GRIN2D: variants seen among roughly 807,000 people sequenced by gnomAD.
GRIN2D encodes glutamate ionotropic receptor NMDA type subunit 2D.
A neutral mutation model predicts 103.2 loss-of-function variants in GRIN2D; 37 were observed. The ratio of observed to expected loss-of-function variants is 0.36; its 90% CI spans 0.28 to 0.47. The LOEUF is 0.47. GRIN2D is among the 20% of genes least tolerant of loss of function. GRIN2D has a pLI of 1.00. For missense variants in GRIN2D, 1,557 were observed against 1,910.6 expected (o/e 0.81, Z 3.45); for synonymous variants, 845 against 885.6 (o/e 0.95, Z 0.81).
At chr19:48,431,881 G>A (rs887196404) in intron 11 of GRIN2D, among the ~76,000 whole-genome samples, 10 of 151,210 alleles carry the variant, frequency 6.6e-5, no homozygotes, top group African/African-American at 1.5e-4. Flanking sequence ...CACCGCGCCC[G>A]GCCTGCTTTC....
At chr19:48,430,411 C>T (rs1468738097) in intron 11 of GRIN2D, among the ~76,000 whole-genome samples, 2 of 152,180 alleles carry the variant, frequency 1.3e-5, no homozygotes, top group Non-Finnish European at 2.9e-5. Context: ...GTTGGCCAGG[C>T]TGGTCTCAAA....
chr19:48,398,248 C>T (rs1600967160), intron 2 of GRIN2D, 119 bp from the exon 3 acceptor site: 1 of 265,546 alleles, frequency 3.8e-6, no homozygotes, highest in Non-Finnish European at 6.1e-6. Flanking sequence ...CTCCCCATCT[C>T]GGCGCCTGTC....
rs1479469223 is a variant in GRIN2D, at chr19:48,405,180, G to T, written c.912G>T (p.Leu304=). The change falls in exon 4 of 14, where the codon CTG becomes CTT. Residue 304 remains leucine, a synonymous_variant. Transcript: ENST00000263269. This position sits in a 1 kb window ranked among gnomAD's most constrained non-coding sequence, Gnocchi z 5.1. ...LPGGAPLPAG[L]FAVRSAGWRD... is the part of the protein sequence containing the mutation. ...GAGGCGCCCCCCTGCCTGCCGGGCT[G>T]TTTGCAGTGCGCTCGGCTGGCTGGC... is the stretch of plus-strand genomic sequence containing the variant. 1 of 1,598,712 alleles carries T rather than the reference G, an allele frequency of 6.3e-7. No homozygotes were observed. Among genetic ancestry groups the T allele is most frequent in the African/African-American group, 1.3e-5 (1 of 74,820 alleles).
rs1270782646 is a variant in GRIN2D, at chr19:48,421,915, T to C, written c.2222T>C (p.Val741Ala). The C allele has an allele frequency of 5.0e-6, 8 of 1,613,798 alleles. No individual in the cohort carries two copies. Among genetic ancestry groups the C allele is most frequent in the Non-Finnish European group, 3.4e-6 (4 of 1,179,936 alleles). Residue 741 changes from valine to alanine, a missense_variant, in exon 11 of 14, where the codon GTA becomes GCA. By Grantham distance (64) the Val-to-Ala change is moderately conservative. Transcript: ENST00000263269. This position sits in a 1 kb window ranked among gnomAD's most constrained non-coding sequence, Gnocchi z 4.8. Reference protein sequence around the residue: ...SYMVRYNQPRVEEALTQLKAG... With the variant: ...SYMVRYNQPRAEEALTQLKAG... ...ATGGTGCGCTACAACCAGCCCCGCG[T>C]AGAGGAAGCGCTCACTCAGCTCAAG...
Position 48,394,322 on chromosome 19 carries a change from G to A in GRIN2D, c.-305-336G>A, listed in dbSNP as rs193034967. ...TTTGAGAGTGGGGGAGTCAAGGGGG[G>A]GTCTAGAGGTGGCCAAGCGAGGAAG... is the stretch of plus-strand genomic sequence containing the variant. On this transcript the variant is annotated intron_variant, in intron 1 of 13. Coordinates refer to ENST00000263269, the MANE Select transcript of GRIN2D (RefSeq NM_000836.4). This position sits in a 1 kb window ranked among gnomAD's most constrained non-coding sequence, Gnocchi z 5.1. Among the ~76,000 whole-genome samples, 43 of 151,616 alleles carry A rather than the reference G, an allele frequency of 2.8e-4. No individual in the cohort carries two copies. The highest frequency in any genetic ancestry group is 1.0e-3 in the African/African-American group (43 of 41,314).
Position 48,443,243 on chromosome 19 carries a change from T to A in GRIN2D, c.3317T>A (p.Leu1106His). 1.5e-6 allele frequency: 2 copies of A among 1,363,030 alleles called. No individual in the cohort carries two copies. Among genetic ancestry groups the A allele is most frequent in the Non-Finnish European group, 1.9e-6 (2 of 1,042,920 alleles). The allele number at this position is 1,363,030 out of a possible 1,614,324, so 84.4% of individuals were successfully genotyped here. The part of the protein sequence containing the change: ...CRAAPPPCPY[L>H]DLEPSPSDSE... ...GCCGCGCCGCCCCCGTGCCCTTACC[T>A]CGATCTCGAGCCGTCGCCGTCGGAC... Residue 1106 changes from leucine (L) to histidine (H), a missense_variant, in exon 14 of 14, where the codon CTC becomes CAC. Physicochemically the swap from Leu to His is moderately conservative, Grantham distance 99 (BLOSUM62 -3). Coordinates refer to ENST00000263269, the MANE Select transcript of GRIN2D (RefSeq NM_000836.4). The surrounding 1 kb of genome is among the most constrained non-coding windows in gnomAD (Gnocchi z 8.9).
intron 3 of GRIN2D, among the ~76,000 whole-genome samples, chr19:48,401,889 T>C (rs1233088901): frequency 6.6e-6 from 1 of 151,794 alleles, no homozygotes; most frequent in Non-Finnish European, 1.5e-5. Context: ...TCACTTGAGG[T>C]GAGGAGTTTG....
chr19:48,426,227 T>TTTTTTTTTTTTCTTTC lies in GRIN2D; in HGVS notation c.2252+4293_2252+4294insCTTTCTTTTTTTTTTT, dbSNP rs1555893894. Among the ~76,000 whole-genome samples the TTTTTTTTTTTTCTTTC allele has an allele frequency of 1.2e-3, 181 of 145,162 alleles. 2 individuals carry two copies. Among genetic ancestry groups the TTTTTTTTTTTTCTTTC allele is most frequent in the African/African-American group, 4.7e-3 (174 of 37,376 alleles). On this transcript the variant is annotated intron_variant, in intron 11 of 13. Coordinates refer to ENST00000263269, the MANE Select transcript of GRIN2D (RefSeq NM_000836.4). Reference sequence around the variant, plus strand: ...CTTTTTCTTTCTTTCTTTCTTTCTTTTTTTTTTTTTTTTTCTGAAACAGAG... The same window carrying TTTTTTTTTTTTCTTTC: ...CTTTTTCTTTCTTTCTTTCTTTCTTTTTTTTTTTTTTCTTTCTTTTTTTTTTTTTTCTGAAACAGAG...
In GRIN2D at chr19:48,414,311, G is replaced by A. The variant is rs1407883891; in HGVS notation, c.1201-62G>A. On this transcript the variant is annotated intron_variant, in intron 5 of 13. Coordinates refer to ENST00000263269, the MANE Select transcript of GRIN2D (RefSeq NM_000836.4). The surrounding 1 kb of genome is among the most constrained non-coding windows in gnomAD (Gnocchi z 4.6). ...CCTAGGTCTGAGGGAAGAGGATCAT[G>A]GAGGCCAGGATACACCGGGAAGTCT... 1 of 1,362,318 alleles carries A rather than the reference G, an allele frequency of 7.3e-7. No individual in the cohort carries two copies. The highest frequency in any genetic ancestry group is 1.4e-5 in the African/African-American group (1 of 69,852). The allele number at this position is 1,362,318 out of a possible 1,614,324, so 84.4% of individuals were successfully genotyped here.
At chr19:48,397,952 A>C (rs537179516) in intron 2 of GRIN2D, among the ~76,000 whole-genome samples, 1 of 146,298 alleles carries the variant, frequency 6.8e-6, no homozygotes, top group Non-Finnish European at 1.5e-5. Context: ...GTCTCGCCCT[A>C]TCTCTGCGTC....
Position 48,405,340 on chromosome 19 carries a change from G to C in GRIN2D, c.1072G>C (p.Glu358Gln), listed in dbSNP as rs372406980. The C allele has an allele frequency of 1.3e-6, 2 of 1,586,470 alleles. No homozygotes were observed. Among genetic ancestry groups the C allele is most frequent in the Non-Finnish European group, 1.7e-6 (2 of 1,167,128 alleles). The change falls in exon 4 of 14, where the codon GAG (glutamate) becomes CAG (glutamine). Residue 358 changes from glutamate (E) to glutamine (Q), a missense_variant. Transcript: ENST00000263269. The surrounding 1 kb of genome is among the most constrained non-coding windows in gnomAD (Gnocchi z 5.1). The stretch of plus-strand genomic sequence containing the variant: ...CGCCCAGAACCGCACCCACCGCGGC[G>C]AGAGTCTGCATAGGTGAGTGGGGCT... The part of the protein sequence containing the change: ...CRAQNRTHRG[E>Q]SLHRYFMNIT...
chr19:48,436,350 G>A (rs185265759), intron 11 of GRIN2D, among the ~76,000 whole-genome samples: 4 of 152,260 alleles, frequency 2.6e-5, no homozygotes, highest in Admixed American at 2.6e-4. Context: ...AGAACTGGCT[G>A]AGCCAGATTA....
Position 48,405,108 on chromosome 19 carries a change from T to C in GRIN2D, c.840T>C (p.Ala280=), listed in dbSNP as rs771698080. 25 of 1,591,636 alleles carry C rather than the reference T, an allele frequency of 1.6e-5. No homozygotes were observed. The highest frequency in any genetic ancestry group is 2.1e-5 in the Non-Finnish European group (24 of 1,168,892). The change falls in exon 4 of 14, where the codon GCT becomes GCC. Residue 280 remains alanine (A), a synonymous_variant. Transcript: ENST00000263269. The surrounding 1 kb of genome is among the most constrained non-coding windows in gnomAD (Gnocchi z 5.1). ...GGTTCATGGTGGGGCCCCAGCTGGC[T>C]GGAGGCGGGGGCTCTGGGGCCCCTG... The part of the protein sequence containing the change: ...YVWFMVGPQL[A]GGGGSGAPGE...
chr19:48,409,789 T>C (rs1970833604), intron 4 of GRIN2D, among the ~76,000 whole-genome samples: 1 of 151,832 alleles, frequency 6.6e-6, no homozygotes, highest in Non-Finnish European at 1.5e-5. Context: ...TTCTTTTTTT[T>C]CTTTTTTTTG....
intron 11 of GRIN2D, among the ~76,000 whole-genome samples, chr19:48,434,018 G>C (rs1449096759): frequency 6.8e-6 from 1 of 146,280 alleles, no homozygotes; most frequent in African/African-American, 2.5e-5. Flanking sequence ...GCGCGATCTC[G>C]GCTCACTGCA....
rs1318224381 is a variant in GRIN2D, at chr19:48,442,329, C to T, written c.2620C>T (p.Arg874Trp). The T allele has an allele frequency of 1.2e-6, 2 of 1,613,678 alleles. No homozygotes were observed. The highest frequency in any genetic ancestry group is 2.2e-5 in the East Asian group (1 of 44,862). ...AWEHLVYWRL[R>W]HCLGPTHRMD... is the part of the protein sequence containing the mutation. ...GGAGCACCTGGTGTACTGGCGCCTG[C>T]GGCACTGCCTGGGGCCCACCCACCG... Residue 874 changes from arginine (R) to tryptophan (W), a missense_variant, in exon 13 of 14, where the codon CGG becomes TGG. By Grantham distance (101) the Arg-to-Trp change is moderately radical (BLOSUM62 -3). Coordinates refer to ENST00000263269, the MANE Select transcript of GRIN2D (RefSeq NM_000836.4). This position sits in a 1 kb window ranked among gnomAD's most constrained non-coding sequence, Gnocchi z 7.2.
intron 2 of GRIN2D, among the ~76,000 whole-genome samples, chr19:48,397,163 T>C (rs1970653022): frequency 6.9e-6 from 1 of 144,540 alleles, no homozygotes; most frequent in South Asian, 2.4e-4. Flanking sequence ...CATGACTCCC[T>C]TGCTTTGAGA....
chr19:48,404,549 A>G (rs543762862), intron 3 of GRIN2D, among the ~76,000 whole-genome samples, 185 bp from the exon 4 acceptor site: 1 of 152,332 alleles, frequency 6.6e-6, no homozygotes, highest in Non-Finnish European at 1.5e-5. Flanking sequence ...GGATGAGTCT[A>G]GAATAACTCA....
rs768712802 is a variant in GRIN2D, at chr19:48,404,959, G to A, written c.691G>A (p.Val231Met). The A allele has an allele frequency of 3.1e-6, 5 of 1,612,414 alleles. No homozygotes were observed. The highest frequency in any genetic ancestry group is 1.1e-5 in the South Asian group (1 of 91,012). Residue 231 changes from valine to methionine, a missense_variant, in exon 4 of 14, where the codon GTG (valine) becomes ATG (methionine). Transcript: ENST00000263269. ...GCTGGACCCTGGGGCGGGCGAGGCC[G>A]TGCTCAGTGCCCAGCTCCGCAGTGT... is the stretch of plus-strand genomic sequence containing the variant. ...LTLDPGAGEAVLSAQLRSVSA... is the reference protein window; with the variant it reads ...LTLDPGAGEAMLSAQLRSVSA...
Sources: gnomAD v4.1 joint callset for allele counts (sites outside exome capture counted in the v4.1 genomes callset) on GRCh38, gnomAD v4.1.1 for gene constraint, Gnocchi (gnomAD v3.1) non-coding constraint, MANE v1.5 for transcripts, NCBI Gene and HGNC (gene_info 2026-07-23, HGNC 2026-07-21) for gene names.